Variants in SORCS3 observed in about 807,000 individuals in gnomAD.
SORCS3 encodes the protein VPS10 domain-containing receptor SorCS3.
In SORCS3, 57 loss-of-function variants were observed where a neutral mutation model predicts 146.3. That is an observed-to-expected ratio of 0.39 (90% confidence interval 0.31 to 0.49). SORCS3 has a LOEUF of 0.49. Ranked by LOEUF, SORCS3 falls within the 20% of genes least tolerant of loss-of-function variation. The pLI is 0.92. For synonymous variants in SORCS3, 653 were observed against 618.5 expected, an observed-to-expected ratio of 1.06 and a Z score of -0.83; for missense variants, 1,341 against 1,575.5, an observed-to-expected ratio of 0.85 and a Z score of 2.52.
At chr10:104,862,631 T>G (rs1271423274) in intron 2 of SORCS3, among the ~76,000 whole-genome samples, 5 of 152,100 alleles carry the variant, frequency 3.3e-5, no homozygotes, top group Admixed American at 3.3e-4. Context: ...GTATGTGTTT[T>G]TAAATATAAT....
chr10:104,914,412 C>T (rs1273861893), intron 2 of SORCS3, among the ~76,000 whole-genome samples: 1 of 152,034 alleles, frequency 6.6e-6, no homozygotes, highest in Non-Finnish European at 1.5e-5. Flanking sequence ...GAAGCTTTTA[C>T]AGAGGAGGTG....
At chr10:105,006,289 T>C (rs994044527) in intron 4 of SORCS3, among the ~76,000 whole-genome samples, 3 of 152,172 alleles carry the variant, frequency 2.0e-5, no homozygotes, top group Non-Finnish European at 4.4e-5. Context: ...TTGGCTCTTT[T>C]CTTCATTTCA....
chr10:104,884,201 G>A (rs541178921), intron 2 of SORCS3, among the ~76,000 whole-genome samples: 38 of 152,318 alleles, frequency 2.5e-4, no homozygotes, highest in Non-Finnish European at 2.5e-4. Context: ...TTTCCAGTTT[G>A]CAACCCTGCA....
chr10:105,263,262 CT>C (rs1218368045), intron 26 of SORCS3, 47 bp from the exon 27 acceptor site: 12 of 1,583,808 alleles, frequency 7.6e-6, no homozygotes, highest in Admixed American at 1.7e-5. Context: ...GATCCCTGCC[CT>C]TGTGGAACTC....
intron 2 of SORCS3, among the ~76,000 whole-genome samples, chr10:104,893,178 T>A (rs2018766016): frequency 6.6e-6 from 1 of 152,158 alleles, no homozygotes; most frequent in Admixed American, 6.5e-5. Context: ...GAGCCAGGAC[T>A]TCGTTTGCTT....
intron 3 of SORCS3, among the ~76,000 whole-genome samples, chr10:104,960,759 C>T (rs187906435): frequency 2.6e-5 from 4 of 152,222 alleles, no homozygotes; most frequent in Admixed American, 6.5e-5. Context: ...CCATAGCAAT[C>T]CCTTAAAATA....
intron 1 of SORCS3, among the ~76,000 whole-genome samples, chr10:104,759,196 A>G (rs1425247406): frequency 6.6e-6 from 1 of 152,220 alleles, no homozygotes; most frequent in Non-Finnish European, 1.5e-5. Context: ...AGAGGTTGCC[A>G]TCAAACAACT....
intron 5 of SORCS3, among the ~76,000 whole-genome samples, chr10:105,081,958 G>A (rs543168864): frequency 1.9e-4 from 29 of 152,038 alleles, no homozygotes; most frequent in Non-Finnish European, 4.0e-4. Flanking sequence ...TTGTCTTTGA[G>A]ATGCAAACAC....
At chr10:104,794,997 CA>C (rs1049076192) in intron 1 of SORCS3, among the ~76,000 whole-genome samples, 3 of 152,154 alleles carry the variant, frequency 2.0e-5, no homozygotes, top group Admixed American at 6.5e-5. Flanking sequence ...TTAGGTATAT[CA>C]GACCCAGTTT....
rs140242537 is a variant in SORCS3, at chr10:104,859,262, C to T, written c.695+16403C>T. Reference sequence around the variant, plus strand: ...CTGATAGAGCCTTCAGAAATAATGCCGCATATCTACAACTATCTGATCTTT... The same window carrying T: ...CTGATAGAGCCTTCAGAAATAATGCTGCATATCTACAACTATCTGATCTTT... On this transcript the variant is annotated intron_variant, in intron 2 of 26. Coordinates refer to ENST00000369701, the MANE Select transcript of SORCS3 (RefSeq NM_014978.3). 5.4e-3 allele frequency among the ~76,000 whole-genome samples: 820 copies of T among 152,140 alleles called. 7 individuals carry two copies. The highest frequency in any genetic ancestry group is 0.014 in the Middle Eastern group (4 of 294).
intron 4 of SORCS3, among the ~76,000 whole-genome samples, chr10:105,022,219 G>A (rs536657991): frequency 3.1e-4 from 47 of 151,858 alleles, no homozygotes; most frequent in African/African-American, 1.1e-3. Context: ...TATCAATGTT[G>A]TCTCATCAAT....
At chr10:104,699,493 C>T (rs915650759) in intron 1 of SORCS3, among the ~76,000 whole-genome samples, 2 of 152,030 alleles carry the variant, frequency 1.3e-5, no homozygotes, top group African/African-American at 4.8e-5. Context: ...CCAACTGGCT[C>T]TTGACAAGTA....
intron 17 of SORCS3, among the ~76,000 whole-genome samples, chr10:105,213,800 G>T (rs2056648814): frequency 6.6e-6 from 1 of 152,094 alleles, no homozygotes; most frequent in Non-Finnish European, 1.5e-5. Context: ...GATTGAATAG[G>T]AGTTTCAAAT....
chr10:104,798,897 A>T (rs1008329436), intron 1 of SORCS3, among the ~76,000 whole-genome samples: 5 of 152,220 alleles, frequency 3.3e-5, no homozygotes, highest in Non-Finnish European at 5.9e-5. Flanking sequence ...ATATGAATAG[A>T]CACTTCTCAA....
At chr10:105,157,050 G>C in intron 9 of SORCS3, 88 bp from the exon 10 acceptor site, 1 of 1,479,894 alleles carries the variant, frequency 6.8e-7, no homozygotes, top group Non-Finnish European at 9.2e-7. Context: ...ACATGCCGTG[G>C]GAAATTCTGC....
intron 1 of SORCS3, among the ~76,000 whole-genome samples, chr10:104,808,982 A>G (rs1055641232): frequency 1.3e-5 from 2 of 152,212 alleles, no homozygotes; most frequent in Non-Finnish European, 2.9e-5. Context: ...CGTTGGCTAT[A>G]GTAAAATGAG....
At chr10:104,718,725 C>T (rs1347502278) in intron 1 of SORCS3, among the ~76,000 whole-genome samples, 1 of 152,148 alleles carries the variant, frequency 6.6e-6, no homozygotes, top group Non-Finnish European at 1.5e-5. Flanking sequence ...AAGACCATAA[C>T]AGAAGGAAAC....
At chr10:104,882,154 CT>C (rs1187099697) in intron 2 of SORCS3, among the ~76,000 whole-genome samples, 1 of 152,146 alleles carries the variant, frequency 6.6e-6, no homozygotes, top group Non-Finnish European at 1.5e-5. Context: ...TCTGGATTTT[CT>C]TTTCACAACA....
intron 1 of SORCS3, among the ~76,000 whole-genome samples, chr10:104,772,798 G>T (rs1444750944): frequency 6.6e-6 from 1 of 152,034 alleles, no homozygotes; most frequent in Non-Finnish European, 1.5e-5. Context: ...ATCATTCCTG[G>T]CCTTGCCAAT....
Sources: gnomAD v4.1 joint callset for allele counts (sites outside exome capture counted in the v4.1 genomes callset) on GRCh38, gnomAD v4.1.1 for gene constraint, MANE v1.5 for transcripts, NCBI Gene and HGNC (gene_info 2026-07-23, HGNC 2026-07-21) for gene names.